CDK19: variants seen among roughly 807,000 people sequenced by gnomAD.
CDK19 encodes cyclin dependent kinase 19, also known as cyclin-dependent kinase 19.
Under a neutral mutation model 68.3 loss-of-function variants are expected in CDK19, and 20 were observed. The observed-to-expected ratio is 0.29, with a 90% confidence interval of 0.21 to 0.43. The LOEUF is 0.43. Among genes scored for constraint, CDK19 ranks in the 20% least tolerant of loss-of-function variants. The pLI is 1.00. For synonymous variants in CDK19, 221 were observed against 222.8 expected, an observed-to-expected ratio of 0.99 and a Z score of 0.07; for missense variants, 339 against 623.5, an observed-to-expected ratio of 0.54 and a Z score of 4.86.
chr6:110,694,747 T>C (rs1026945637), intron 2 of CDK19, among the ~76,000 whole-genome samples: 3 of 152,306 alleles, frequency 2.0e-5, no homozygotes, highest in Admixed American at 1.3e-4. Flanking sequence ...GACCATATGA[T>C]AGGCCCCAAA....
intron 4 of CDK19, among the ~76,000 whole-genome samples, chr6:110,662,945 A>T (rs1392306242): frequency 6.6e-6 from 1 of 152,174 alleles, no homozygotes; most frequent in Non-Finnish European, 1.5e-5. Context: ...TTTCTGTATT[A>T]AATTCTAGGA....
chr6:110,814,277 G>A (rs1783377527), intron 1 of CDK19, among the ~76,000 whole-genome samples: 1 of 152,260 alleles, frequency 6.6e-6, no homozygotes, highest in Non-Finnish European at 1.5e-5. Flanking sequence ...AAGGTAAAGG[G>A]TGGGTAGCAG....
At chr6:110,783,899 C>T (rs1781002490) in intron 1 of CDK19, among the ~76,000 whole-genome samples, 1 of 151,900 alleles carries the variant, frequency 6.6e-6, no homozygotes, top group South Asian at 2.1e-4. Context: ...GTGGCTCACG[C>T]CTGTTATCCC....
intron 1 of CDK19, among the ~76,000 whole-genome samples, chr6:110,787,237 G>A (rs1781284167): frequency 6.6e-6 from 1 of 152,106 alleles, no homozygotes; most frequent in South Asian, 2.1e-4. Context: ...AGCTGGGCAT[G>A]GTGGTGCATG....
At chr6:110,663,664 T>C (rs1228603827) in intron 4 of CDK19, among the ~76,000 whole-genome samples, 1 of 152,210 alleles carries the variant, frequency 6.6e-6, no homozygotes, top group Non-Finnish European at 1.5e-5. Context: ...CCTCAGTAGC[T>C]GAAACTACAG....
At chr6:110,642,227 G>C (rs1780241446) in intron 4 of CDK19, among the ~76,000 whole-genome samples, 1 of 151,114 alleles carries the variant, frequency 6.6e-6, no homozygotes. Context: ...CTTGAACCCG[G>C]AAAGCGGGAA....
chr6:110,632,391 G>A (rs1020367857), intron 5 of CDK19, among the ~76,000 whole-genome samples: 6 of 152,142 alleles, frequency 3.9e-5, no homozygotes, highest in Non-Finnish European at 7.3e-5. Flanking sequence ...CCATCAGAAG[G>A]ACATACTATT....
intron 1 of CDK19, among the ~76,000 whole-genome samples, chr6:110,767,197 A>T (rs1779656797): frequency 6.6e-6 from 1 of 152,046 alleles, no homozygotes; most frequent in Non-Finnish European, 1.5e-5. Context: ...ACCAAGTAGA[A>T]CAGTGGTTAC....
chr6:110,613,187 G>A lies in CDK19; in HGVS notation c.*1348C>T, dbSNP rs1429712958. 2 of 152,318 alleles carry A rather than the reference G, an allele frequency of 1.3e-5. No homozygotes were observed. The highest frequency in any genetic ancestry group is 2.1e-4 in the South Asian group (1 of 4,806). The allele number at this position is 152,318 out of a possible 1,614,324, so 9.4% of individuals were successfully genotyped here. A position where few individuals can be genotyped will look rare whatever the true frequency, so the allele number is the denominator to read the frequency against. On this transcript the variant is annotated 3_prime_UTR_variant, in exon 13 of 13. Coordinates refer to ENST00000368911, the MANE Select transcript of CDK19 (RefSeq NM_015076.5). The stretch of plus-strand genomic sequence containing the variant: ...CTTAAAGCAGCTAAGAAAGAACTCA[G>A]CCACTAATTCATAGATAATGGAAAT...
intron 1 of CDK19, 96 bp downstream of exon 1, chr6:110,814,913 G>A (rs1292653902): frequency 6.5e-7 from 1 of 1,537,992 alleles, no homozygotes. Context: ...CTCGCCCCTC[G>A]GGCACGGCCC....
rs1395544970 is a variant in CDK19, at chr6:110,756,207, T to C, written c.129-10006A>G. ...AAGTTCAAGACCAGCCTGGCCAACA[T>C]AGTGAAACCCTGTCTCTACTAAAAA... is the stretch of plus-strand genomic sequence containing the variant. On this transcript the variant is annotated intron_variant, in intron 1 of 12. Transcript: ENST00000368911. Among the ~76,000 whole-genome samples, 9 of 151,918 alleles carry C rather than the reference T, an allele frequency of 5.9e-5. 1 individual carries two copies. Among genetic ancestry groups the C allele is most frequent in the Admixed American group, 4.6e-4 (7 of 15,260 alleles).
chr6:110,758,152 C>T (rs1199536166), intron 1 of CDK19, among the ~76,000 whole-genome samples: 1 of 152,100 alleles, frequency 6.6e-6, no homozygotes. Flanking sequence ...GTTTGCGCTA[C>T]CACACTCCAG....
chr6:110,752,815 T>A (rs189134477), intron 1 of CDK19, among the ~76,000 whole-genome samples: 27 of 151,682 alleles, frequency 1.8e-4, no homozygotes, highest in African/African-American at 6.5e-4. Context: ...CAATCCTCCT[T>A]CCTGGCCTCC....
intron 2 of CDK19, among the ~76,000 whole-genome samples, chr6:110,688,721 AGTGGGAAGAGCCTT>A (rs999105402): frequency 2.6e-5 from 4 of 152,214 alleles, no homozygotes; most frequent in Non-Finnish European, 5.9e-5. Context: ...TAGGAGCAGC[AGTGGGAAGAGCCTT>A]GCATGCATTC....
intron 1 of CDK19, among the ~76,000 whole-genome samples, chr6:110,780,380 C>G (rs1270336805): frequency 7.2e-6 from 1 of 138,598 alleles, no homozygotes; most frequent in Non-Finnish European, 1.5e-5. Context: ...CAGAGTGACA[C>G]TCTGTCTCAA....
At chr6:110,717,948 G>A (rs374465877) in intron 2 of CDK19, among the ~76,000 whole-genome samples, 40 of 152,140 alleles carry the variant, frequency 2.6e-4, no homozygotes, top group African/African-American at 7.9e-4. Context: ...TGATCTGCCC[G>A]CCTCGGCCTC....
At chr6:110,732,427 G>A (rs1270321456) in intron 2 of CDK19, among the ~76,000 whole-genome samples, 1 of 151,926 alleles carries the variant, frequency 6.6e-6, no homozygotes, top group African/African-American at 2.4e-5. Flanking sequence ...CACAAGAATC[G>A]CTTGAACCCA....
At chr6:110,646,839 G>T (rs1162196852) in intron 4 of CDK19, among the ~76,000 whole-genome samples, 2 of 152,038 alleles carry the variant, frequency 1.3e-5, no homozygotes, top group East Asian at 3.9e-4. Flanking sequence ...GTCCTCCCAA[G>T]TGGGAGGAAG....
At chr6:110,734,713 T>C (rs1777103847) in intron 2 of CDK19, among the ~76,000 whole-genome samples, 3 of 152,076 alleles carry the variant, frequency 2.0e-5, no homozygotes, top group Non-Finnish European at 4.4e-5. Flanking sequence ...GCTGGATGCT[T>C]CTCCAGCACA....
Sources: gnomAD v4.1 joint callset for allele counts (sites outside exome capture counted in the v4.1 genomes callset) on GRCh38, gnomAD v4.1.1 for gene constraint, MANE v1.5 for transcripts, NCBI Gene and HGNC (gene_info 2026-07-23, HGNC 2026-07-21) for gene names.